The following DLG2 variants were observed in gnomAD, a reference collection of about 807,000 sequenced individuals.
DLG2 encodes disks large homolog 2.
A neutral mutation model predicts 132.5 loss-of-function variants in DLG2; 45 were observed. That is an observed-to-expected ratio of 0.34 (90% confidence interval 0.27 to 0.44). DLG2 has a LOEUF of 0.44. Ranked by LOEUF, DLG2 falls within the 20% of genes least tolerant of loss-of-function variation. DLG2 has a pLI of 1.00. For missense variants in DLG2, 1,045 were observed against 1,196.9 expected (o/e 0.87, Z 1.87); for synonymous variants, 424 against 419.6 (o/e 1.01, Z -0.13).
intron 3 of DLG2, among the ~76,000 whole-genome samples, chr11:85,377,833 ATATG>A (rs2085546883): frequency 6.8e-6 from 1 of 147,814 alleles, no homozygotes; most frequent in African/African-American, 2.5e-5. Context: ...GTATACATAT[ATATG>A]TGTGTATACA....
intron 16 of DLG2, among the ~76,000 whole-genome samples, chr11:83,843,411 T>C (rs989668239): frequency 6.6e-6 from 1 of 152,218 alleles, no homozygotes; most frequent in African/African-American, 2.4e-5. Flanking sequence ...TGAAACCACA[T>C]TGTCCTTTCA....
At chr11:83,729,459 G>A (rs1441548494) in intron 18 of DLG2, among the ~76,000 whole-genome samples, 1 of 152,180 alleles carries the variant, frequency 6.6e-6, no homozygotes, top group Non-Finnish European at 1.5e-5. Context: ...GCTTCCTCAG[G>A]TTAATCAAGT....
chr11:83,761,379 C>G (rs1025188506), intron 18 of DLG2, among the ~76,000 whole-genome samples: 1 of 152,176 alleles, frequency 6.6e-6, no homozygotes, highest in African/African-American at 2.4e-5. Context: ...TAATTCACTT[C>G]GAGTTCTATT....
intron 6 of DLG2, among the ~76,000 whole-genome samples, chr11:84,619,486 T>C (rs1006675026): frequency 6.6e-6 from 1 of 151,272 alleles, no homozygotes; most frequent in African/African-American, 2.4e-5. Flanking sequence ...TTAATAATAA[T>C]ACCAGAATAA....
At chr11:85,193,545 C>T (rs1373289019) in intron 4 of DLG2, among the ~76,000 whole-genome samples, 1 of 152,190 alleles carries the variant, frequency 6.6e-6, no homozygotes, top group African/African-American at 2.4e-5. Flanking sequence ...TCCAATTTCT[C>T]CATATCCTAA....
At chr11:85,403,329 TG>T (rs2088374683) in intron 3 of DLG2, among the ~76,000 whole-genome samples, 1 of 151,730 alleles carries the variant, frequency 6.6e-6, no homozygotes, top group African/African-American at 2.4e-5. Flanking sequence ...CATCAAACAT[TG>T]GGGCCTGTCA....
Position 85,032,726 on chromosome 11 carries a change from G to A in DLG2, c.357+78935C>T, listed in dbSNP as rs543336904. The stretch of plus-strand genomic sequence containing the variant: ...CACCTAATTGGATAGGTTTAAAAGT[G>A]TGTTTAGAGAAAACAAAGAAAAAAA... On this transcript the variant is annotated intron_variant, in intron 6 of 27. Transcript: ENST00000376104. 1.8e-4 allele frequency among the ~76,000 whole-genome samples: 27 copies of A among 152,292 alleles called. No homozygotes were observed. In the East Asian group the frequency reaches 4.4e-3, roughly 25 times the overall value.
At chr11:83,532,419 C>T (rs1170895016) in intron 21 of DLG2, among the ~76,000 whole-genome samples, 1 of 151,978 alleles carries the variant, frequency 6.6e-6, no homozygotes, top group African/African-American at 2.4e-5. Context: ...CTTAAAGAAA[C>T]AAAAACCACC....
At chr11:85,425,328 A>G (rs1321179905) in intron 3 of DLG2, among the ~76,000 whole-genome samples, 1 of 152,224 alleles carries the variant, frequency 6.6e-6, no homozygotes, top group Non-Finnish European at 1.5e-5. Context: ...ATAATTTTCA[A>G]AAAAGTTCAT....
intron 7 of DLG2, among the ~76,000 whole-genome samples, chr11:84,302,759 T>A (rs1238048500): frequency 6.6e-6 from 1 of 152,172 alleles, no homozygotes; most frequent in African/African-American, 2.4e-5. Context: ...ACTAAAAGGA[T>A]TTATGATTAA....
intron 19 of DLG2, among the ~76,000 whole-genome samples, chr11:83,623,191 G>A (rs1424231320): frequency 6.6e-6 from 1 of 151,004 alleles, no homozygotes; most frequent in Admixed American, 6.6e-5. Context: ...TTTTTTTTCT[G>A]TTGTTGGTTT....
intron 7 of DLG2, among the ~76,000 whole-genome samples, chr11:84,296,229 A>G (rs2098086788): frequency 6.6e-6 from 1 of 152,120 alleles, no homozygotes; most frequent in Non-Finnish European, 1.5e-5. Context: ...TTAGAATTTA[A>G]TTAAAATAAT....
At chr11:84,242,447 C>G (rs1318911315) in intron 8 of DLG2, among the ~76,000 whole-genome samples, 2 of 151,474 alleles carry the variant, frequency 1.3e-5, no homozygotes, top group Non-Finnish European at 2.9e-5. Context: ...GCTCTGTCAC[C>G]CAGGCTGGAG....
intron 21 of DLG2, among the ~76,000 whole-genome samples, chr11:83,530,444 T>A (rs561818275): frequency 2.0e-5 from 3 of 151,906 alleles, no homozygotes; most frequent in African/African-American, 7.2e-5. Flanking sequence ...GTGACAGCAA[T>A]TGACCATAAC....
At chr11:85,087,892 A>G (rs1272120307) in intron 6 of DLG2, among the ~76,000 whole-genome samples, 1 of 150,552 alleles carries the variant, frequency 6.6e-6, no homozygotes, top group African/African-American at 2.4e-5. Flanking sequence ...GGATTTGAGG[A>G]CACTGTGTTA....
intron 6 of DLG2, among the ~76,000 whole-genome samples, chr11:84,731,934 T>C (rs904252879): frequency 5.9e-5 from 9 of 152,014 alleles, no homozygotes; most frequent in African/African-American, 1.7e-4. Flanking sequence ...CTACCCCTCA[T>C]ACTCTTTCCC....
intron 7 of DLG2, among the ~76,000 whole-genome samples, chr11:84,296,108 A>C (rs1422338835): frequency 6.6e-6 from 1 of 152,238 alleles, no homozygotes; most frequent in Non-Finnish European, 1.5e-5. Flanking sequence ...CCAGTGGCTG[A>C]AACGTATTCC....
chr11:84,301,162 T>A (rs1403898989), intron 7 of DLG2, among the ~76,000 whole-genome samples: 2 of 152,176 alleles, frequency 1.3e-5, no homozygotes, highest in Non-Finnish European at 2.9e-5. Flanking sequence ...TTCACTATTG[T>A]TTATATTAAC....
chr11:84,574,244 G>T (rs945619493), intron 6 of DLG2, among the ~76,000 whole-genome samples: 1 of 151,828 alleles, frequency 6.6e-6, no homozygotes, highest in African/African-American at 2.4e-5. Flanking sequence ...GAAGAGAAAG[G>T]TCTCTATACT....
Sources: allele counts gnomAD v4.1 joint callset (sites outside exome capture counted in the v4.1 genomes callset), GRCh38; gene constraint gnomAD v4.1.1; transcripts MANE v1.5; gene names NCBI Gene and HGNC (gene_info 2026-07-23, HGNC 2026-07-21).